Variants in SUMF1 observed in about 807,000 individuals in gnomAD.
SUMF1 encodes sulfatase modifying factor 1.
Under a neutral mutation model 47.6 loss-of-function variants are expected in SUMF1, and 48 were observed. The ratio of observed to expected loss-of-function variants is 1.01; its 90% CI spans 0.80 to 1.28. The LOEUF is 1.28. Among genes scored for constraint, SUMF1 ranks in the 50% most tolerant of loss-of-function variants. The probability of loss-of-function intolerance (pLI) is 0.00; values close to 1 mark genes in which losing one functional copy is unlikely to be tolerated. For missense variants in SUMF1, 571 were observed against 485.4 expected (o/e 1.18, Z -1.66); for synonymous variants, 230 against 192.1 (o/e 1.20, Z -1.63).
intron 8 of SUMF1, among the ~76,000 whole-genome samples, chr3:4,093,619 T>C (rs1692837158): frequency 6.6e-6 from 1 of 152,032 alleles, no homozygotes; most frequent in East Asian, 1.9e-4. Flanking sequence ...TAAGAAACAA[T>C]CTAAGAATTG....
chr3:4,153,208 G>T (rs140980986), intron 8 of SUMF1, among the ~76,000 whole-genome samples: 27 of 151,412 alleles, frequency 1.8e-4, no homozygotes, highest in Non-Finnish European at 3.5e-4. Flanking sequence ...ATTACTTGAG[G>T]ATTTTCTTTT....
rs1217276204 is a variant in SUMF1 at position 4,423,294 on chromosome 3, AC to A, written c.520-3149del. On this transcript the variant is annotated intron_variant, in intron 3 of 8. Coordinates refer to ENST00000272902, the MANE Select transcript of SUMF1 (RefSeq NM_182760.4). ...GAAACTGTGATACACACACACACAC[AC>A]ACACACACACACACACACACAATGG... Among the ~76,000 whole-genome samples the A allele has an allele frequency of 1.2e-3, 183 of 151,980 alleles. 1 individual carries two copies. The highest frequency in any genetic ancestry group is 4.3e-3 in the African/African-American group (177 of 41,438).
chr3:4,325,737 G>GA (rs1165019830), intron 8 of SUMF1, among the ~76,000 whole-genome samples: 5 of 151,526 alleles, frequency 3.3e-5, no homozygotes, highest in African/African-American at 1.2e-4. Flanking sequence ...TTCCAACTCA[G>GA]AAAAATGGGA....
chr3:4,071,955 C>A lies in SUMF1; in HGVS notation c.1015-3210G>T, dbSNP rs191439641. On this transcript the variant is annotated intron_variant and NMD_transcript_variant, in intron 8 of 12. Coordinates refer to the SUMF1 transcript ENST00000448413. ...CATTGGAGCTCTTATAATGAACAGA[C>A]TGCCTTGTCAAGTGGGTCCCTGACC... 1.2e-3 allele frequency among the ~76,000 whole-genome samples: 183 copies of A among 152,306 alleles called. 1 individual carries two copies. The highest frequency in any genetic ancestry group is 6.7e-3 in the Admixed American group (102 of 15,296).
At chr3:4,071,213 G>T (rs181614663) in intron 8 of SUMF1, among the ~76,000 whole-genome samples, 3 of 143,542 alleles carry the variant, frequency 2.1e-5, no homozygotes, top group East Asian at 4.3e-4. Context: ...GCTCCAGTCT[G>T]CAGCTCCCAG....
chr3:4,036,971 A>C (rs1243623670), intron 9 of SUMF1, among the ~76,000 whole-genome samples: 1 of 152,026 alleles, frequency 6.6e-6, no homozygotes, highest in Non-Finnish European at 1.5e-5. Flanking sequence ...GCTTCAGAGT[A>C]TGAAGATGAC....
intron 8 of SUMF1, among the ~76,000 whole-genome samples, chr3:4,098,851 A>C (rs1423851257): frequency 6.6e-6 from 1 of 152,200 alleles, no homozygotes; most frequent in Admixed American, 6.5e-5. Context: ...CAGGCCTGAG[A>C]GGAAGCCACA....
chr3:4,251,762 G>A (rs1696807378), intron 8 of SUMF1, among the ~76,000 whole-genome samples: 1 of 152,176 alleles, frequency 6.6e-6, no homozygotes, highest in Non-Finnish European at 1.5e-5. Context: ...GTTGTTTAGT[G>A]TAACCACCTT....
At chr3:4,203,627 G>C (rs1223660456) in intron 8 of SUMF1, among the ~76,000 whole-genome samples, 1 of 151,732 alleles carries the variant, frequency 6.6e-6, no homozygotes, top group Non-Finnish European at 1.5e-5. Flanking sequence ...CTGTCATGTT[G>C]TTATTTGTTT....
At chr3:4,249,703 G>A (rs375187015) in intron 8 of SUMF1, among the ~76,000 whole-genome samples, 3 of 152,272 alleles carry the variant, frequency 2.0e-5, no homozygotes, top group South Asian at 2.1e-4. Context: ...GTAAAAACAC[G>A]TCTCTCACTT....
chr3:4,363,623 G>A (rs903338675), intron 8 of SUMF1, among the ~76,000 whole-genome samples: 9 of 151,616 alleles, frequency 5.9e-5, no homozygotes, highest in Non-Finnish European at 1.2e-4. Flanking sequence ...GAGACTTTGG[G>A]CTGACACAAT....
At chr3:4,417,782 G>A (rs111638384) in intron 5 of SUMF1, among the ~76,000 whole-genome samples, 19 of 152,332 alleles carry the variant, frequency 1.2e-4, no homozygotes, top group African/African-American at 3.8e-4. Flanking sequence ...GCTAAGACTT[G>A]CTTTGGGGCT....
chr3:4,284,939 T>G (rs966278765), intron 8 of SUMF1, among the ~76,000 whole-genome samples: 1 of 152,194 alleles, frequency 6.6e-6, no homozygotes, highest in Non-Finnish European at 1.5e-5. Flanking sequence ...TGAACTTACT[T>G]TATGGAAGAT....
rs1694914203 is a variant in SUMF1, at chr3:4,174,554, CACAT to C, written c.1015-105813_1015-105810del. ...CCCCCATCTCTACTAAAAACACACA[CACAT>C]GGGGGGCGTTCCAAGATGGCCGAAT... On this transcript the variant is annotated intron_variant and NMD_transcript_variant, in intron 8 of 12. Transcript: ENST00000448413. Among the ~76,000 whole-genome samples the C allele has an allele frequency of 3.5e-5, 3 of 84,970 alleles. No homozygotes were observed. The Admixed American group carries it at 3.6e-4, about 10-fold the overall frequency. 55.7% of individuals were successfully genotyped at this position (84,970 alleles called of 152,430 possible). A position where few individuals can be genotyped will look rare whatever the true frequency, so the allele number is the denominator to read the frequency against.
At chr3:4,314,017 A>G (rs928467309) in intron 8 of SUMF1, 14 of 596,356 alleles carry the variant, frequency 2.3e-5, no homozygotes, top group Admixed American at 2.1e-4. Context: ...AGCAAAAATG[A>G]CAAGTCCTTA....
At chr3:4,353,460 G>A (rs1482137449) in intron 8 of SUMF1, among the ~76,000 whole-genome samples, 1 of 152,116 alleles carries the variant, frequency 6.6e-6, no homozygotes, top group Non-Finnish European at 1.5e-5. Context: ...CACCGTGTTA[G>A]CCAGGATGGT....
chr3:4,308,170 C>T (rs1008620664), intron 8 of SUMF1, among the ~76,000 whole-genome samples: 7 of 152,228 alleles, frequency 4.6e-5, no homozygotes, highest in Admixed American at 3.9e-4. Flanking sequence ...TTTCTCCACT[C>T]AAATGGAGAA....
intron 8 of SUMF1, among the ~76,000 whole-genome samples, chr3:4,219,498 A>T (rs371301484): frequency 5.2e-4 from 79 of 152,244 alleles, no homozygotes; most frequent in African/African-American, 1.8e-3. Flanking sequence ...TAACTTTTCA[A>T]ATTCCCTTAT....
At chr3:4,090,053 T>A (rs944160716) in intron 8 of SUMF1, among the ~76,000 whole-genome samples, 3 of 152,124 alleles carry the variant, frequency 2.0e-5, no homozygotes, top group African/African-American at 7.2e-5. Flanking sequence ...TGACCACATA[T>A]GATTTTGTTG....
Sources: allele counts gnomAD v4.1 joint callset (sites outside exome capture counted in the v4.1 genomes callset), GRCh38; gene constraint gnomAD v4.1.1; transcripts MANE v1.5; gene names NCBI Gene and HGNC (gene_info 2026-07-23, HGNC 2026-07-21).